DENND4A: variants seen among roughly 807,000 people sequenced by gnomAD.
DENND4A encodes the protein C-myc promoter-binding protein.
DENND4A carries 70 observed loss-of-function variants against 199.3 expected under a neutral mutation model. That is an observed-to-expected ratio of 0.35 (90% confidence interval 0.29 to 0.43). The LOEUF (loss-of-function observed/expected upper bound fraction) is 0.43. Ranked by LOEUF, DENND4A falls within the 20% of genes least tolerant of loss-of-function variation. The pLI is 1.00. For synonymous variants in DENND4A, 686 were observed against 766.9 expected (o/e 0.89, Z 1.74); for missense variants, 1,723 against 2,255.8 (o/e 0.76, Z 4.78).
chr15:65,724,907 AAAG>A (rs1379549046), intron 11 of DENND4A, among the ~76,000 whole-genome samples: 2 of 152,210 alleles, frequency 1.3e-5, no homozygotes, highest in Non-Finnish European at 2.9e-5. Flanking sequence ...GTCTTAAGAG[AAAG>A]AAGAATATGT....
chr15:65,694,189 C>T (rs548435918), intron 22 of DENND4A, among the ~76,000 whole-genome samples: 1 of 152,292 alleles, frequency 6.6e-6, no homozygotes, highest in South Asian at 2.1e-4. Flanking sequence ...AGGCTCACGC[C>T]TGTAATCCCA....
intron 7 of DENND4A, among the ~76,000 whole-genome samples, chr15:65,733,727 T>C (rs1287329192): frequency 6.6e-6 from 1 of 152,218 alleles, no homozygotes; most frequent in Non-Finnish European, 1.5e-5. Flanking sequence ...GACTCCATTT[T>C]GTTCTGTACT....
intron 20 of DENND4A, 76 bp from the exon 21 acceptor site, chr15:65,697,459 C>T (rs937661204): frequency 5.8e-6 from 5 of 861,278 alleles, no homozygotes; most frequent in East Asian, 2.7e-5. Context: ...GAGCAACATA[C>T]TAGTGTTTGG....
At chr15:65,707,741 C>A (rs557426657) in intron 14 of DENND4A, among the ~76,000 whole-genome samples, 14 of 150,754 alleles carry the variant, frequency 9.3e-5, no homozygotes, top group African/African-American at 2.9e-4. Context: ...GGCTGGAGTG[C>A]ATGGTGCAAT....
intron 27 of DENND4A, 87 bp from the exon 28 acceptor site, chr15:65,668,210 CTT>C (rs878910664): frequency 0.027 from 17,445 of 644,716 alleles, no homozygotes; most frequent in Middle Eastern, 0.035. Flanking sequence ...CTCTCTCTCT[CTT>C]TTTTTTTTTT....
At chr15:65,688,148 T>C (rs2076855354) in intron 23 of DENND4A, among the ~76,000 whole-genome samples, 1 of 152,214 alleles carries the variant, frequency 6.6e-6, no homozygotes, top group Admixed American at 6.5e-5. Context: ...CTTTTCATTG[T>C]CATCTCCATT....
chr15:65,759,855 T>C (rs1161776240), intron 2 of DENND4A, among the ~76,000 whole-genome samples: 3 of 152,252 alleles, frequency 2.0e-5, no homozygotes, highest in African/African-American at 7.2e-5. Flanking sequence ...AAGGGCTGCA[T>C]AGTATTTTAT....
intron 1 of DENND4A, among the ~76,000 whole-genome samples, chr15:65,768,382 A>G (rs978942189): frequency 6.6e-6 from 1 of 152,106 alleles, no homozygotes; most frequent in Non-Finnish European, 1.5e-5. Context: ...AAAATGTACA[A>G]CTCCAGGAAT....
intron 1 of DENND4A, among the ~76,000 whole-genome samples, chr15:65,780,791 G>A (rs1216412117): frequency 6.6e-6 from 1 of 152,192 alleles, no homozygotes; most frequent in East Asian, 1.9e-4. Context: ...CCCATTTACA[G>A]GGAAGAAAAT....
intron 29 of DENND4A, among the ~76,000 whole-genome samples, chr15:65,666,935 C>CAA (rs776121448): frequency 7.1e-6 from 1 of 139,912 alleles, no homozygotes; most frequent in African/African-American, 2.6e-5. Flanking sequence ...TAGGAGAAGG[C>CAA]AAAAAAAAAA....
chr15:65,759,216 C>T (rs1204346230), intron 2 of DENND4A, among the ~76,000 whole-genome samples: 7 of 152,174 alleles, frequency 4.6e-5, no homozygotes, highest in South Asian at 2.1e-4. Flanking sequence ...AGGTGGCTCA[C>T]GCCTGTAATC....
At chr15:65,730,822 C>T (rs953207583) in intron 9 of DENND4A, among the ~76,000 whole-genome samples, 4 of 151,976 alleles carry the variant, frequency 2.6e-5, no homozygotes, top group African/African-American at 9.7e-5. Flanking sequence ...GTGATAGCTG[C>T]AGAACTCTGT....
chr15:65,733,204 A>G (rs1414459003), intron 7 of DENND4A, among the ~76,000 whole-genome samples: 1 of 152,212 alleles, frequency 6.6e-6, no homozygotes, highest in Non-Finnish European at 1.5e-5. Flanking sequence ...AAGGTGCTCC[A>G]GAAAAAATGA....
intron 7 of DENND4A, among the ~76,000 whole-genome samples, chr15:65,733,435 A>G (rs1310744463): frequency 6.6e-6 from 1 of 152,108 alleles, no homozygotes; most frequent in African/African-American, 2.4e-5. Flanking sequence ...TTTTTTAAAA[A>G]TTTTTGTTCC....
At chr15:65,682,297 T>C (rs1224878117) in intron 23 of DENND4A, among the ~76,000 whole-genome samples, 6 of 152,222 alleles carry the variant, frequency 3.9e-5, no homozygotes, top group Non-Finnish European at 5.9e-5. Flanking sequence ...TGACCTTACA[T>C]AGGTCTCGGG....
chr15:65,741,431 A>ATACATTT (rs1465595211), intron 5 of DENND4A, among the ~76,000 whole-genome samples: 1 of 152,222 alleles, frequency 6.6e-6, no homozygotes, highest in Non-Finnish European at 1.5e-5. Flanking sequence ...TAAAATGAAA[A>ATACATTT]TACATTTTAC....
intron 4 of DENND4A, among the ~76,000 whole-genome samples, chr15:65,748,087 C>T (rs906782026): frequency 2.7e-5 from 4 of 148,364 alleles, no homozygotes; most frequent in Admixed American, 2.7e-4. Flanking sequence ...GTCTGCTTCC[C>T]TACACTTCAG....
chr15:65,756,044 T>C (rs766997592), intron 3 of DENND4A, 96 bp downstream of exon 3: 102 of 1,060,754 alleles, frequency 9.6e-5, no homozygotes, highest in Non-Finnish European at 7.2e-5. Flanking sequence ...AAATCTGCCA[T>C]ACATCTATTA....
At chr15:65,736,261 A>T (rs1005131515) in intron 7 of DENND4A, among the ~76,000 whole-genome samples, 4 of 151,828 alleles carry the variant, frequency 2.6e-5, no homozygotes, top group Admixed American at 2.6e-4. Context: ...AGATTTTTTT[A>T]TTTTTTATTT....
Sources: allele counts gnomAD v4.1 joint callset (sites outside exome capture counted in the v4.1 genomes callset), GRCh38; gene constraint gnomAD v4.1.1; transcripts MANE v1.5; gene names NCBI Gene and HGNC (gene_info 2026-07-23, HGNC 2026-07-21).